MYRIP: variants seen among roughly 807,000 people sequenced by gnomAD.
MYRIP encodes the protein myosin VIIA and Rab interacting protein.
Under a neutral mutation model 98.0 loss-of-function variants are expected in MYRIP, and 49 were observed. The observed-to-expected ratio is 0.50, with a 90% CI of 0.40 to 0.63. The LOEUF is 0.63. Among genes scored for constraint, MYRIP ranks in the 30% least tolerant of loss-of-function variants. The probability of loss-of-function intolerance (pLI) is 0.00; values close to 1 mark genes in which losing one functional copy is unlikely to be tolerated. For missense variants in MYRIP, 1,004 were observed against 1,058.2 expected (o/e 0.95, Z 0.71); for synonymous variants, 404 against 409.5 (o/e 0.99, Z 0.16).
chr3:40,064,855 A>T (rs1462358243), intron 3 of MYRIP, among the ~76,000 whole-genome samples: 1 of 152,168 alleles, frequency 6.6e-6, no homozygotes, highest in Non-Finnish European at 1.5e-5. Flanking sequence ...GGGAAACCAT[A>T]GTGTGTGTGT....
intron 1 of MYRIP, among the ~76,000 whole-genome samples, chr3:39,831,829 A>G (rs1319116727): frequency 1.3e-5 from 2 of 152,234 alleles, no homozygotes; most frequent in East Asian, 1.9e-4. Context: ...ATAGCCACCT[A>G]TGGCTGGTGG....
intron 3 of MYRIP, among the ~76,000 whole-genome samples, chr3:40,084,653 CATCTATGTATTACATATCGATAGATAAT>C (rs1948573752): frequency 6.9e-6 from 1 of 145,814 alleles, no homozygotes; most frequent in African/African-American, 2.5e-5. Flanking sequence ...CGATAATACA[CATCTATGTATTACATATCGATAGATAAT>C]ATCTATGTAT....
At chr3:40,049,016 A>C (rs911777169) in intron 3 of MYRIP, among the ~76,000 whole-genome samples, 1 of 152,154 alleles carries the variant, frequency 6.6e-6, no homozygotes, top group Non-Finnish European at 1.5e-5. Flanking sequence ...TTCAGGAAGC[A>C]AAACTTTTCA....
intron 10 of MYRIP, among the ~76,000 whole-genome samples, chr3:40,191,455 A>C (rs1336623371): frequency 6.6e-6 from 1 of 152,084 alleles, no homozygotes; most frequent in Non-Finnish European, 1.5e-5. Context: ...CTATACTCTT[A>C]GTTTGGCCAG....
chr3:39,991,080 A>T (rs993724986), intron 2 of MYRIP, among the ~76,000 whole-genome samples: 8 of 152,230 alleles, frequency 5.3e-5, no homozygotes, highest in Admixed American at 5.2e-4. Flanking sequence ...ACAAACCACC[A>T]GGGCACATGT....
chr3:39,946,079 T>A (rs905899419), intron 2 of MYRIP, among the ~76,000 whole-genome samples: 2 of 152,064 alleles, frequency 1.3e-5, no homozygotes, highest in Non-Finnish European at 2.9e-5. Context: ...TAAGAAAGCT[T>A]TGATCCCTAG....
intron 10 of MYRIP, among the ~76,000 whole-genome samples, chr3:40,206,070 G>A (rs2679809): frequency 0.46 from 69,310 of 151,920 alleles, 16,748 homozygotes; most frequent in Non-Finnish European, 0.55. Context: ...AAAAGTGTGC[G>A]TGCATACCAA....
intron 1 of MYRIP, among the ~76,000 whole-genome samples, chr3:39,845,996 C>A (rs1338519859): frequency 2.0e-5 from 3 of 152,136 alleles, no homozygotes; most frequent in African/African-American, 7.2e-5. Context: ...GATTCTAGAA[C>A]TTGCAGATCA....
chr3:39,822,264 ATTTGC>A (rs1941123239), intron 1 of MYRIP, among the ~76,000 whole-genome samples: 1 of 152,152 alleles, frequency 6.6e-6, no homozygotes, highest in African/African-American at 2.4e-5. Context: ...GATCAGGGTA[ATTTGC>A]ATGTCCATCA....
chr3:40,172,022 G>C (rs1950629397), intron 8 of MYRIP, among the ~76,000 whole-genome samples: 1 of 152,142 alleles, frequency 6.6e-6, no homozygotes, highest in African/African-American at 2.4e-5. Context: ...ATATGGGAAA[G>C]ACCCGCCCCC....
intron 2 of MYRIP, among the ~76,000 whole-genome samples, chr3:40,028,193 G>C (rs80333696): frequency 6.6e-6 from 1 of 152,256 alleles, no homozygotes; most frequent in East Asian, 1.9e-4. Flanking sequence ...AGCTGGCGTG[G>C]TGATAGACCA....
At chr3:40,252,841 G>GTCC (rs1953420754) in intron 16 of MYRIP, among the ~76,000 whole-genome samples, 1 of 152,182 alleles carries the variant, frequency 6.6e-6, no homozygotes, top group African/African-American at 2.4e-5. Flanking sequence ...AAGAGGGACA[G>GTCC]CTCTTTAGAC....
At chr3:40,142,047 A>ATTTTTTTTTTTT in intron 3 of MYRIP, among the ~76,000 whole-genome samples, 1 of 95,950 alleles carries the variant, frequency 1.0e-5, no homozygotes, top group Non-Finnish European at 2.0e-5. Context: ...TATGCTGTTG[A>ATTTTTTTTTTTT]TTTTTTTTTT....
At chr3:40,218,625 T>C (rs1324939228) in intron 11 of MYRIP, among the ~76,000 whole-genome samples, 2,540 of 17,014 alleles carry the variant, frequency 0.15, 205 homozygotes, top group Middle Eastern at 0.25. Flanking sequence ...TATATATATA[T>C]ATATATATAT....
intron 1 of MYRIP, among the ~76,000 whole-genome samples, chr3:39,889,207 C>G (rs906167007): frequency 6.6e-6 from 1 of 152,188 alleles, no homozygotes; most frequent in Non-Finnish European, 1.5e-5. Flanking sequence ...ATAAATAATG[C>G]TGCTATAAAG....
At chr3:40,093,835 A>T (rs1948774201) in intron 3 of MYRIP, among the ~76,000 whole-genome samples, 1 of 152,236 alleles carries the variant, frequency 6.6e-6, no homozygotes, top group Non-Finnish European at 1.5e-5. Context: ...AGAGGCAATC[A>T]TCTATGCTTT....
At chr3:39,872,492 C>G (rs1385925293) in intron 1 of MYRIP, among the ~76,000 whole-genome samples, 2 of 145,654 alleles carry the variant, frequency 1.4e-5, no homozygotes, top group Non-Finnish European at 1.5e-5. Context: ...CCCCCCTCCC[C>G]CCATCCCACA....
At chr3:40,200,331 A>G (rs1194485033) in intron 10 of MYRIP, among the ~76,000 whole-genome samples, 1 of 152,090 alleles carries the variant, frequency 6.6e-6, no homozygotes, top group Non-Finnish European at 1.5e-5. Flanking sequence ...TGTTGGGCTC[A>G]ATTCAAAGTC....
At chr3:39,867,605 G>T (rs373061769) in intron 1 of MYRIP, among the ~76,000 whole-genome samples, 2 of 152,242 alleles carry the variant, frequency 1.3e-5, no homozygotes, top group African/African-American at 4.8e-5. Flanking sequence ...GAGATATCTT[G>T]TCACCCCTAT....
Sources: allele counts gnomAD v4.1 joint callset (sites outside exome capture counted in the v4.1 genomes callset), GRCh38; gene constraint gnomAD v4.1.1; transcripts MANE v1.5; gene names NCBI Gene and HGNC (gene_info 2026-07-23, HGNC 2026-07-21).